The following COL7A1 variants were observed in gnomAD, a reference collection of about 807,000 sequenced individuals.
COL7A1 encodes the protein collagen type VII alpha 1 chain, also known as collagen alpha-1(VII) chain.
Under a neutral mutation model 456.2 loss-of-function variants are expected in COL7A1, and 296 were observed. The ratio of observed to expected loss-of-function variants is 0.65; its 90% confidence interval spans 0.59 to 0.71. The LOEUF (loss-of-function observed/expected upper bound fraction) is 0.71. Ranked by LOEUF, COL7A1 falls within the 30% of genes least tolerant of loss-of-function variation. The pLI, the probability that COL7A1 is intolerant of heterozygous loss-of-function variation, is 0.00. For synonymous variants in COL7A1, 1,464 were observed against 1,525.9 expected (o/e 0.96, Z 0.95); for missense variants, 3,441 against 4,017.2 (o/e 0.86, Z 3.88).
chr3:48,564,681 C>CCA lies in COL7A1; in HGVS notation c.8818+100_8818+101dup, dbSNP rs570869960. ...CCCCTACTGCGAGGGAGCGTCTCCTCCAGGACCCTGACCTGGAACCCTGGC... is the reference window on the plus strand; with the variant it reads ...CCCCTACTGCGAGGGAGCGTCTCCTCCACAGGACCCTGACCTGGAACCCTGGC... On this transcript the variant is annotated intron_variant, in intron 118 of 118. Transcript: ENST00000681320. The surrounding 1 kb of genome is among the most constrained non-coding windows in gnomAD (Gnocchi z 6.0). The CCA allele has an allele frequency of 2.9e-4, 394 of 1,369,476 alleles. 2 individuals are homozygous for CCA. The African/African-American group carries it at 3.6e-3, about 13-fold the overall frequency. 84.8% of individuals were successfully genotyped at this position (1,369,476 alleles called of 1,614,324 possible). A position where few individuals can be genotyped will look rare whatever the true frequency, so the allele number is the denominator to read the frequency against.
In COL7A1 at chr3:48,586,770, G is replaced by C; in HGVS notation, c.3277-81C>G. ...GCACAGAGCCTGGAGAAACACATCA[G>C]GGTGTGTGTGACCAAACCCTATCTA... On this transcript the variant is annotated intron_variant, in intron 25 of 118. Coordinates refer to ENST00000681320, the MANE Select transcript of COL7A1 (RefSeq NM_000094.4). The surrounding 1 kb of genome is among the most constrained non-coding windows in gnomAD (Gnocchi z 5.1). 6.5e-7 allele frequency: 1 copy of C among 1,534,138 alleles called. No individual in the cohort carries two copies. Among genetic ancestry groups the C allele is most frequent in the Non-Finnish European group, 8.8e-7 (1 of 1,134,156 alleles).
Position 48,594,334 on chromosome 3 carries a change from C to T in COL7A1, c.266+34G>A, listed in dbSNP as rs1195676805. On this transcript the variant is annotated intron_variant, in intron 3 of 118. Transcript: ENST00000681320. This position sits in a 1 kb window ranked among gnomAD's most constrained non-coding sequence, Gnocchi z 5.5. ...CTGGGGAAGGAGTCTTGGTGGGGATCTCGTGGTCCCCAGCCCCCAGGGCCC... is the reference window on the plus strand; with the variant it reads ...CTGGGGAAGGAGTCTTGGTGGGGATTTCGTGGTCCCCAGCCCCCAGGGCCC... 3 of 1,604,562 alleles carry T rather than the reference C, an allele frequency of 1.9e-6. No individual in the cohort carries two copies. The South Asian group carries it at 3.3e-5, about 18-fold the overall frequency.
rs566181351 is a variant in COL7A1, at chr3:48,565,399, GCTGTCCTCACCTTC to G, written c.8524_8527+10del. 1.1e-3 allele frequency: 1,830 copies of G among 1,602,210 alleles called. 10 individuals carry two copies. The highest frequency in any genetic ancestry group is 6.6e-4 in the Non-Finnish European group (778 of 1,174,392). On this transcript the variant is annotated splice_donor_variant and splice_donor_5th_base_variant and coding_sequence_variant and intron_variant, in exon 116 of 119. Transcript: ENST00000681320. LOFTEE classifies it high-confidence loss of function. This position sits in a 1 kb window ranked among gnomAD's most constrained non-coding sequence, Gnocchi z 4.5. The stretch of plus-strand genomic sequence containing the variant: ...CACCCATAGCTGCCCCACGGGTTCA[GCTGTCCTCACCTTC>G]CTCCTCTGCATGAGAGACGCGGAGC...
At position 48,588,783 on chromosome 3, in the gene COL7A1, G is replaced by C. The variant is rs200336324; in HGVS notation, c.2446C>G (p.Pro816Ala). The change falls in exon 20 of 119, where the codon CCC becomes GCC. Residue 816 changes from proline (P) to alanine (A), a missense_variant. By Grantham distance (27) the Pro-to-Ala change is conservative. This residue lies in a region of COL7A1 where 444 missense variants were observed against 427.6 expected (regional missense o/e 1.04). Transcript: ENST00000681320. This position sits in a 1 kb window ranked among gnomAD's most constrained non-coding sequence, Gnocchi z 4.6. Reference protein sequence around the residue: ...RLAWGRSEGGPMRHQILPGNT... With the variant: ...RLAWGRSEGGAMRHQILPGNT... Reference sequence around the variant, plus strand: ...CCTGGGAGTATCTGGTGCCTCATGGGGCCGCCTGGCCAGGTGGGCATACAG... The same window carrying C: ...CCTGGGAGTATCTGGTGCCTCATGGCGCCGCCTGGCCAGGTGGGCATACAG... 5.0e-6 allele frequency: 8 copies of C among 1,613,736 alleles called. No homozygotes were observed. The Admixed American group carries it at 8.3e-5, about 17-fold the overall frequency.
chr3:48,575,477 C>A lies in COL7A1; in HGVS notation c.6042G>T (p.Gln2014His), dbSNP rs753022607. Residue 2014 changes from glutamine to histidine, a missense_variant, in exon 74 of 119, where the codon CAG (glutamine) becomes CAT (histidine). Transcript: ENST00000681320. This position sits in a 1 kb window ranked among gnomAD's most constrained non-coding sequence, Gnocchi z 6.3. Reference protein sequence around the residue: ...LKGDRGDPGPQGPPGLALGER... With the variant: ...LKGDRGDPGPHGPPGLALGER... The stretch of plus-strand genomic sequence containing the variant: ...CCCCAAGGGCCAGACCAGGTGGCCC[C>A]TGAGGGCCAGGGTCTCCACGGTCGC... 6.2e-7 allele frequency: 1 copy of A among 1,612,136 alleles called. No individual in the cohort carries two copies. Among genetic ancestry groups the A allele is most frequent in the Non-Finnish European group, 8.5e-7 (1 of 1,179,656 alleles).
In COL7A1 at chr3:48,591,608, G is replaced by A; in HGVS notation, c.1508-16C>T. The A allele has an allele frequency of 6.2e-7, 1 of 1,613,442 alleles. No individual in the cohort carries two copies. Among genetic ancestry groups the A allele is most frequent in the South Asian group, 1.1e-5 (1 of 91,090 alleles). ...AGCTCTGGTCCTGTTGGAGAGCACA[G>A]CATAGAGGCAGCCTGGGGCTCCGAC... On this transcript the variant is annotated splice_polypyrimidine_tract_variant and intron_variant, in intron 12 of 118. Coordinates refer to ENST00000681320, the MANE Select transcript of COL7A1 (RefSeq NM_000094.4). The surrounding 1 kb of genome is among the most constrained non-coding windows in gnomAD (Gnocchi z 7.0).
rs2043629006 is a variant in COL7A1 at position 48,566,845 on chromosome 3, G to C, written c.8226+62C>G. ...GTTGGGGCAGGCAGGCTGGAAGATG[G>C]TTATGAGGTTGGAAGGGTAGGGAAG... On this transcript the variant is annotated intron_variant, in intron 111 of 118. Coordinates refer to ENST00000681320, the MANE Select transcript of COL7A1 (RefSeq NM_000094.4). This position sits in a 1 kb window ranked among gnomAD's most constrained non-coding sequence, Gnocchi z 5.9. 6.3e-7 allele frequency: 1 copy of C among 1,577,844 alleles called. No homozygotes were observed. Among genetic ancestry groups the C allele is most frequent in the Admixed American group, 1.8e-5 (1 of 57,088 alleles).
Position 48,587,342 on chromosome 3 carries a change from G to A in COL7A1, c.2993-6C>T. On this transcript the variant is annotated splice_region_variant and splice_polypyrimidine_tract_variant and intron_variant, in intron 23 of 118. Transcript: ENST00000681320. The surrounding 1 kb of genome is among the most constrained non-coding windows in gnomAD (Gnocchi z 6.1). ...CTGCGGGGACCCAGGCACTTCTGCA[G>A]GAGACAGAACTTGATTAAAAAGCTG... is the stretch of plus-strand genomic sequence containing the variant. The A allele has an allele frequency of 6.2e-7, 1 of 1,607,700 alleles. No individual in the cohort carries two copies. The highest frequency in any genetic ancestry group is 8.5e-7 in the Non-Finnish European group (1 of 1,177,222).
rs1449926069 is a variant in COL7A1, at chr3:48,586,071, A to T, written c.3723+3T>A. The T allele has an allele frequency of 1.2e-6, 2 of 1,613,412 alleles. No individual in the cohort carries two copies. The highest frequency in any genetic ancestry group is 2.2e-5 in the East Asian group (1 of 44,894). ...CCCAGTCCCCCAGAGGCCTCTTCCA[A>T]ACCTGAGTAGTGAAGGATGCCTGAC... On this transcript the variant is annotated splice_donor_region_variant and intron_variant, in intron 28 of 118. Coordinates refer to ENST00000681320, the MANE Select transcript of COL7A1 (RefSeq NM_000094.4). The surrounding 1 kb of genome is among the most constrained non-coding windows in gnomAD (Gnocchi z 5.1).
Position 48,590,810 on chromosome 3 carries a change from T to C in COL7A1, c.1643A>G (p.Glu548Gly), listed in dbSNP as rs2045639509. The C allele has an allele frequency of 1.2e-6, 2 of 1,612,790 alleles. No individual in the cohort carries two copies. The highest frequency in any genetic ancestry group is 1.7e-5 in the Admixed American group (1 of 59,938). Residue 548 changes from glutamate to glycine, a missense_variant, in exon 14 of 119, where the codon GAG (glutamate) becomes GGG (glycine). Physicochemically the swap from Glu to Gly is moderately conservative, Grantham distance 98. Around this residue, in one of 3 missense-constraint regions of COL7A1, gnomAD observed 913 missense variants for 1,088.2 expected, o/e 0.84. Transcript: ENST00000681320. This position sits in a 1 kb window ranked among gnomAD's most constrained non-coding sequence, Gnocchi z 4.6. ...ACTCCCAGGAAGCACCAGGGTCCGC[T>C]CAACCCCTAAGAGAGAAGTCAGGGT... ...RIIVRSTQGV[E>G]RTLVLPGSQT...
Position 48,586,969 on chromosome 3 carries a change from A to G in COL7A1, c.3276+3T>C. On this transcript the variant is annotated splice_donor_region_variant and intron_variant, in intron 25 of 118. Coordinates refer to ENST00000681320, the MANE Select transcript of COL7A1 (RefSeq NM_000094.4). The surrounding 1 kb of genome is among the most constrained non-coding windows in gnomAD (Gnocchi z 5.1). ...GTAGAATCTGGCTGCCCCAGGGCCA[A>G]ACCTGAACTGCCTGTGGCCCAAGAG... is the stretch of plus-strand genomic sequence containing the variant. 5.0e-6 allele frequency: 8 copies of G among 1,589,278 alleles called. No individual in the cohort carries two copies. Among genetic ancestry groups the G allele is most frequent in the Non-Finnish European group, 6.8e-6 (8 of 1,168,126 alleles).
rs780377676 is a variant in COL7A1 at position 48,569,860 on chromosome 3, G to T, written c.7521+20C>A. On this transcript the variant is annotated intron_variant, in intron 100 of 118. Coordinates refer to ENST00000681320, the MANE Select transcript of COL7A1 (RefSeq NM_000094.4). This position sits in a 1 kb window ranked among gnomAD's most constrained non-coding sequence, Gnocchi z 4.9. ...CCACTCACCCCCCCACTCATGCCAG[G>T]ACCTTCCCCACGTTCCTACCTTCTC... 6.8e-6 allele frequency: 11 copies of T among 1,614,010 alleles called. No homozygotes were observed. Among genetic ancestry groups the T allele is most frequent in the Non-Finnish European group, 7.6e-6 (9 of 1,180,018 alleles).
intron 47 of COL7A1, among the ~76,000 whole-genome samples, 185 bp downstream of exon 47, chr3:48,582,138 C>T (rs1031255777): frequency 6.6e-6 from 1 of 152,170 alleles, no homozygotes; most frequent in Non-Finnish European, 1.5e-5. Context: ...ACCTGCATGG[C>T]GGTCTTGGGG....
Position 48,586,626 on chromosome 3 carries a change from G to C in COL7A1, c.3340C>G (p.Leu1114Val). The C allele has an allele frequency of 6.2e-7, 1 of 1,613,664 alleles. No homozygotes were observed. Among genetic ancestry groups the C allele is most frequent in the Non-Finnish European group, 8.5e-7 (1 of 1,180,004 alleles). Residue 1114 changes from leucine to valine, a missense_variant, in exon 26 of 119, where the codon CTT (leucine) becomes GTT (valine). By Grantham distance (32) the Leu-to-Val change is conservative (BLOSUM62 1). Coordinates refer to ENST00000681320, the MANE Select transcript of COL7A1 (RefSeq NM_000094.4). This position sits in a 1 kb window ranked among gnomAD's most constrained non-coding sequence, Gnocchi z 5.1. ...PLFPLNGSHD[L>V]GIILQRIRDM... is the part of the protein sequence containing the mutation. Reference sequence around the variant, plus strand: ...CGGATCCTTTGCAAGATAATGCCAAGGTCATGGGAGCCATTCAGTGGGAAC... The same window carrying C: ...CGGATCCTTTGCAAGATAATGCCAACGTCATGGGAGCCATTCAGTGGGAAC...
At position 48,592,180 on chromosome 3, in the gene COL7A1, C is replaced by G; in HGVS notation, c.1162G>C (p.Gly388Arg). The G allele has an allele frequency of 6.2e-7, 1 of 1,614,126 alleles. No homozygotes were observed. Among genetic ancestry groups the G allele is most frequent in the South Asian group, 1.1e-5 (1 of 91,086 alleles). Residue 388 changes from glycine (G) to arginine (R), a missense_variant, in exon 10 of 119, where the codon GGC (glycine) becomes CGC (arginine). This residue lies in a region of COL7A1 where 913 missense variants were observed against 1,088.2 expected (regional missense o/e 0.84). Coordinates refer to ENST00000681320, the MANE Select transcript of COL7A1 (RefSeq NM_000094.4). This position sits in a 1 kb window ranked among gnomAD's most constrained non-coding sequence, Gnocchi z 7.6. ...CTCACGGTCACCTCATAGTCCGTGC[C>G]AGGCTCCAAGTCACGCAGCAACACT... Reference protein sequence around the residue: ...GSVLLRDLEPGTDYEVTVSTL... With the variant: ...GSVLLRDLEPRTDYEVTVSTL...
rs1435010727 is a variant in COL7A1, at chr3:48,586,864, G to A, written c.3276+108C>T. 8 of 1,530,748 alleles carry A rather than the reference G, an allele frequency of 5.2e-6. No individual in the cohort carries two copies. The highest frequency in any genetic ancestry group is 1.4e-5 in the African/African-American group (1 of 72,648). 94.8% of individuals were successfully genotyped at this position (1,530,748 alleles called of 1,614,324 possible). ...GGTGAGGTCTGGAGCCTGTGAGAGAGCTGGGAGAATGCCTGAACCTATTGG... is the reference window on the plus strand; with the variant it reads ...GGTGAGGTCTGGAGCCTGTGAGAGAACTGGGAGAATGCCTGAACCTATTGG... On this transcript the variant is annotated intron_variant, in intron 25 of 118. Coordinates refer to ENST00000681320, the MANE Select transcript of COL7A1 (RefSeq NM_000094.4). This position sits in a 1 kb window ranked among gnomAD's most constrained non-coding sequence, Gnocchi z 5.1.
At position 48,571,623 on chromosome 3, in the gene COL7A1, C is replaced by G. The variant is rs764015902; in HGVS notation, c.7069-345G>C. 3.0e-6 allele frequency: 2 copies of G among 656,604 alleles called. No individual in the cohort carries two copies. The highest frequency in any genetic ancestry group is 5.8e-6 in the Non-Finnish European group (2 of 346,050). 40.7% of individuals were successfully genotyped at this position (656,604 alleles called of 1,614,324 possible). On this transcript the variant is annotated intron_variant, in intron 92 of 118. Coordinates refer to ENST00000681320, the MANE Select transcript of COL7A1 (RefSeq NM_000094.4). This position sits in a 1 kb window ranked among gnomAD's most constrained non-coding sequence, Gnocchi z 4.6. ...CCAACACGTCCACTCCCGGGTAGAGCAGGCATGGCCACAGGCTGAACGCTG... is the reference window on the plus strand; with the variant it reads ...CCAACACGTCCACTCCCGGGTAGAGGAGGCATGGCCACAGGCTGAACGCTG...
rs755521788 is a variant in COL7A1 at position 48,572,649 on chromosome 3, G to A, written c.6900+22C>T. ...AGGCAGAGGAGTTGCTGCAGGGGGT[G>A]GAAGTCAGGGTCAAAGATCACCTGT... On this transcript the variant is annotated intron_variant, in intron 88 of 118. Transcript: ENST00000681320. The surrounding 1 kb of genome is among the most constrained non-coding windows in gnomAD (Gnocchi z 4.6). 2 of 1,603,234 alleles carry A rather than the reference G, an allele frequency of 1.2e-6. No homozygotes were observed. Among genetic ancestry groups the A allele is most frequent in the African/African-American group, 1.3e-5 (1 of 74,620 alleles).
In COL7A1 at chr3:48,569,330, C is replaced by A. The variant is rs2043768368; in HGVS notation, c.7686+45G>T. ...CCTCACAGATGCTGTGGAACCACCA[C>A]AGCCACAGGACCCCACAGAGAGTAC... On this transcript the variant is annotated intron_variant, in intron 103 of 118. Transcript: ENST00000681320. The surrounding 1 kb of genome is among the most constrained non-coding windows in gnomAD (Gnocchi z 4.9). 6.2e-7 allele frequency: 1 copy of A among 1,608,896 alleles called. No homozygotes were observed. Among genetic ancestry groups the A allele is most frequent in the South Asian group, 1.1e-5 (1 of 91,010 alleles).
Sources: gnomAD v4.1 joint callset for allele counts (sites outside exome capture counted in the v4.1 genomes callset) on GRCh38, gnomAD v4.1.1 for gene constraint, gnomAD v4.1.1 regional missense constraint, Gnocchi (gnomAD v3.1) non-coding constraint, MANE v1.5 for transcripts, NCBI Gene and HGNC (gene_info 2026-07-23, HGNC 2026-07-21) for gene names.